The following IL1RAPL1 variants were observed in gnomAD, a reference collection of about 807,000 sequenced individuals.
The protein encoded by IL1RAPL1 is interleukin 1 receptor accessory protein like 1.
Under a neutral mutation model 48.4 loss-of-function variants are expected in IL1RAPL1, and 3 were observed. That is an observed-to-expected ratio of 0.06 (90% confidence interval 0.03 to 0.16). The LOEUF (loss-of-function observed/expected upper bound fraction) is 0.16, where lower values mean the gene tolerates loss of function less well. Ranked by LOEUF, IL1RAPL1 falls within the 10% of genes least tolerant of loss-of-function variation. The pLI is 1.00. For missense variants in IL1RAPL1, 349 were observed against 530.6 expected (o/e 0.66, Z 3.36); for synonymous variants, 185 against 187.7 (o/e 0.99, Z 0.12).
chrX:29,423,263 C>T (rs1245206154), intron 5 of IL1RAPL1, among the ~76,000 whole-genome samples: 1 of 111,929 alleles, frequency 8.9e-6, no homozygotes, highest in Non-Finnish European at 1.9e-5. Context: ...TCAAGTTGTC[C>T]TGCCTTTCTG....
intron 6 of IL1RAPL1, among the ~76,000 whole-genome samples, chrX:29,796,717 T>C (rs1048942424): frequency 8.9e-6 from 1 of 112,560 alleles, no homozygotes; most frequent in African/African-American, 3.2e-5. Context: ...AAGGATCATA[T>C]CACTTCCTTA....
chrX:28,967,484 T>A (rs1253723524), intron 2 of IL1RAPL1, among the ~76,000 whole-genome samples: 3 of 111,288 alleles, frequency 2.7e-5, no homozygotes, highest in South Asian at 3.8e-4. Flanking sequence ...TAAAAAAAAA[T>A]TCTACTTTCA....
chrX:28,981,797 G>A lies in IL1RAPL1; in HGVS notation c.82+192372G>A, dbSNP rs138196197. ...ACTGAAGAGAAGCCTGCACTTTCTCGTTTTTGTACATGCTCTGCACAAATC... is the reference window on the plus strand; with the variant it reads ...ACTGAAGAGAAGCCTGCACTTTCTCATTTTTGTACATGCTCTGCACAAATC... On this transcript the variant is annotated intron_variant, in intron 2 of 10. Transcript: ENST00000378993. Among the ~76,000 whole-genome samples, 429 of 111,248 alleles carry A rather than the reference G, an allele frequency of 3.9e-3. 1 individual carries two copies. The highest frequency in any genetic ancestry group is 0.013 in the African/African-American group (384 of 30,616).
intron 2 of IL1RAPL1, among the ~76,000 whole-genome samples, chrX:29,205,853 GCCT>G (rs1236035717): frequency 9.2e-6 from 1 of 109,208 alleles, no homozygotes; most frequent in Non-Finnish European, 1.9e-5. Flanking sequence ...TCCTGCCTCA[GCCT>G]CCTGAGTAGC....
chrX:29,297,136 G>A (rs1367767756), intron 3 of IL1RAPL1, among the ~76,000 whole-genome samples: 1 of 111,896 alleles, frequency 8.9e-6, no homozygotes, highest in Non-Finnish European at 1.9e-5. Context: ...TTGAAGTCTG[G>A]TCCAATGGTT....
chrX:28,737,171 TTCCTTC>T (rs1935843625), intron 1 of IL1RAPL1, among the ~76,000 whole-genome samples: 1 of 73,740 alleles, frequency 1.4e-5, no homozygotes, highest in African/African-American at 5.9e-5. Flanking sequence ...CCTTCCTTCC[TTCCTTC>T]CTTTCTTTCC....
Position 29,115,615 on chromosome X carries a change from A to T in IL1RAPL1, c.83-167323A>T, listed in dbSNP as rs140034703. 5.0e-4 allele frequency among the ~76,000 whole-genome samples: 55 copies of T among 109,383 alleles called. 1 individual carries two copies. In the East Asian group the frequency reaches 0.013, roughly 25 times the overall value. The allele number at this position is 109,383 out of a possible 115,157, so 95.0% of individuals were successfully genotyped here. ...CTCAAGTTTTCTGTTCTCGGTGTTT[A>T]TATGTCTCTCTCTCCCTTATAAAAA... On this transcript the variant is annotated intron_variant, in intron 2 of 10. Transcript: ENST00000378993.
At chrX:28,793,035 C>T (rs1287508940) in intron 2 of IL1RAPL1, among the ~76,000 whole-genome samples, 1 of 105,261 alleles carries the variant, frequency 9.5e-6, no homozygotes, top group East Asian at 3.0e-4. Flanking sequence ...CTTTTAATAT[C>T]TATGGAAGCA....
intron 6 of IL1RAPL1, among the ~76,000 whole-genome samples, chrX:29,835,777 C>A (rs2147190348): frequency 9.1e-6 from 1 of 109,420 alleles, no homozygotes; most frequent in Non-Finnish European, 1.9e-5. Context: ...CTATCCAACG[C>A]TTTGGTGTAT....
At chrX:28,781,911 A>G (rs997190890) in intron 1 of IL1RAPL1, among the ~76,000 whole-genome samples, 2 of 112,202 alleles carry the variant, frequency 1.8e-5, no homozygotes, top group African/African-American at 6.5e-5. Flanking sequence ...TCATTTAAAT[A>G]ACTTTGATTA....
At chrX:29,308,740 C>T (rs1932662221) in intron 3 of IL1RAPL1, among the ~76,000 whole-genome samples, 1 of 112,373 alleles carries the variant, frequency 8.9e-6, no homozygotes, top group Non-Finnish European at 1.9e-5. Flanking sequence ...GGCGATTATA[C>T]ATCCCCCTTG....
intron 5 of IL1RAPL1, among the ~76,000 whole-genome samples, chrX:29,621,324 T>C (rs1300721856): frequency 1.8e-5 from 2 of 111,462 alleles, no homozygotes; most frequent in African/African-American, 6.5e-5. Flanking sequence ...CATGAACATG[T>C]ATAAGTATAT....
At chrX:28,920,613 G>A (rs947391642) in intron 2 of IL1RAPL1, among the ~76,000 whole-genome samples, 1 of 111,996 alleles carries the variant, frequency 8.9e-6, no homozygotes, top group Non-Finnish European at 1.9e-5. Context: ...TTCTTCAAAA[G>A]TTGTATACAA....
intron 5 of IL1RAPL1, among the ~76,000 whole-genome samples, chrX:29,405,353 C>T: frequency 9.7e-6 from 1 of 103,569 alleles, no homozygotes; most frequent in Middle Eastern, 4.7e-3. Flanking sequence ...GATATTTTCT[C>T]TGTGTTCTTT....
chrX:29,022,162 A>G (rs776893174), intron 2 of IL1RAPL1, among the ~76,000 whole-genome samples: 5 of 111,050 alleles, frequency 4.5e-5, no homozygotes, highest in African/African-American at 1.6e-4. Flanking sequence ...GTCTGAAGCT[A>G]CAGCTTTTTC....
chrX:29,431,710 C>T (rs1602231982), intron 5 of IL1RAPL1, among the ~76,000 whole-genome samples: 2 of 110,738 alleles, frequency 1.8e-5, no homozygotes, highest in Middle Eastern at 4.6e-3. Flanking sequence ...CAACATCATT[C>T]CCTTTTTGCT....
At chrX:29,391,799 G>C (rs1485510134) in intron 3 of IL1RAPL1, among the ~76,000 whole-genome samples, 1 of 111,454 alleles carries the variant, frequency 9.0e-6, no homozygotes, top group Non-Finnish European at 1.9e-5. Flanking sequence ...AGCACCAATT[G>C]CCTCCCCTAG....
chrX:29,660,686 T>C (rs1925818159), intron 5 of IL1RAPL1, among the ~76,000 whole-genome samples: 1 of 111,426 alleles, frequency 9.0e-6, no homozygotes, highest in Non-Finnish European at 1.9e-5. Context: ...GTTCCATTGG[T>C]GTATGTGTTT....
chrX:28,826,349 T>C (rs991722204), intron 2 of IL1RAPL1, among the ~76,000 whole-genome samples: 1 of 111,734 alleles, frequency 8.9e-6, no homozygotes, highest in Non-Finnish European at 1.9e-5. Context: ...ATTTAGCATG[T>C]TTGTGAAACT....
Sources: allele counts gnomAD v4.1 joint callset (sites outside exome capture counted in the v4.1 genomes callset), GRCh38; gene constraint gnomAD v4.1.1; transcripts MANE v1.5; gene names NCBI Gene and HGNC (gene_info 2026-07-23, HGNC 2026-07-21).